NFIB: variants seen among roughly 807,000 people sequenced by gnomAD.
NFIB encodes nuclear factor I B, also known as nuclear factor 1 B-type.
A neutral mutation model predicts 61.5 loss-of-function variants in NFIB; 11 were observed. The observed-to-expected ratio is 0.18, with a 90% CI of 0.11 to 0.30. The LOEUF is 0.30. NFIB is among the 10% of genes least tolerant of loss of function. The pLI is 1.00. For synonymous variants in NFIB, 260 were observed against 216.5 expected, an observed-to-expected ratio of 1.20 and a Z score of -1.76; for missense variants, 471 against 608.9, an observed-to-expected ratio of 0.77 and a Z score of 2.38.
the NFIB span, among the ~76,000 whole-genome samples, chr9:14,427,937 G>GT: frequency 3.9e-3 from 170 of 43,392 alleles, 43 homozygotes; most frequent in African/African-American, 8.5e-3. Context: ...TAATTCAGTT[G>GT]TTTTTTTTTT....
the NFIB span, among the ~76,000 whole-genome samples, chr9:14,468,461 C>T: frequency 1.3e-5 from 2 of 152,254 alleles, no homozygotes; most frequent in South Asian, 4.2e-4. Flanking sequence ...GAGATGCATT[C>T]TTTGTTAGCT....
the NFIB span, among the ~76,000 whole-genome samples, chr9:14,480,650 C>T: frequency 6.6e-6 from 1 of 152,096 alleles, no homozygotes; most frequent in Non-Finnish European, 1.5e-5. Flanking sequence ...ATCAATGTAG[C>T]CGTTGAAACA....
chr9:14,529,986 T>C, the NFIB span, among the ~76,000 whole-genome samples: 1 of 152,222 alleles, frequency 6.6e-6, no homozygotes. Flanking sequence ...AGAAGTAGAA[T>C]GGTGAAATTT....
In NFIB at chr9:14,257,565, G is replaced by T. The variant is rs151054845; in HGVS notation, c.562+49424C>A. On this transcript the variant is annotated intron_variant, in intron 2 of 10. Coordinates refer to ENST00000380953, the MANE Select transcript of NFIB (RefSeq NM_001190737.2). The stretch of plus-strand genomic sequence containing the variant: ...GAGTCGGGAGTTTGAGACCAGCCTG[G>T]CCAACGTGGCGAAACCCTGTCTCTT... Among the ~76,000 whole-genome samples, 81 of 152,236 alleles carry T rather than the reference G, an allele frequency of 5.3e-4. 1 individual carries two copies. The East Asian group carries it at 0.015, about 28-fold the overall frequency.
At chr9:14,400,730 G>T (rs776235739), upstream of NFIB, among the ~76,000 whole-genome samples, 1 of 152,220 alleles carries the variant, frequency 6.6e-6, no homozygotes, top group Non-Finnish European at 1.5e-5. Context: ...TTGGGAAAGC[G>T]ATAGGCTCTT....
Position 14,307,380 on chromosome 9 carries a change from G to C in NFIB, c.171C>G (p.Val57=), listed in dbSNP as rs745470110. ...KRMSKDEERA[V]KDELLSEKPE... is the part of the protein sequence containing the mutation. ...GCTTTTCACTGAGAAGCTCATCTTT[G>C]ACTGCTCTTTCTTCATCCTTTGACA... Residue 57 remains valine, a synonymous_variant, in exon 2 of 11, where the codon GTC becomes GTG. Coordinates refer to ENST00000380953, the MANE Select transcript of NFIB (RefSeq NM_001190737.2). This position sits in a 1 kb window ranked among gnomAD's most constrained non-coding sequence, Gnocchi z 5.3. 10 of 1,613,948 alleles carry C rather than the reference G, an allele frequency of 6.2e-6. No individual in the cohort carries two copies. In the South Asian group the frequency reaches 9.9e-5, roughly 16 times the overall value.
the NFIB span, among the ~76,000 whole-genome samples, chr9:14,527,884 T>C: frequency 1.3e-5 from 2 of 152,312 alleles, no homozygotes; most frequent in Admixed American, 6.5e-5. Flanking sequence ...GATTTTCAGA[T>C]ATATCTTTGC....
chr9:14,414,092 A>G, the NFIB span, among the ~76,000 whole-genome samples: 2 of 152,188 alleles, frequency 1.3e-5, no homozygotes, highest in African/African-American at 4.8e-5. Flanking sequence ...TCGGAAGTCT[A>G]GTGAGGCACA....
intron 1 of NFIB, among the ~76,000 whole-genome samples, chr9:14,381,545 G>A (rs1211406112): frequency 6.6e-6 from 1 of 152,164 alleles, no homozygotes; most frequent in Non-Finnish European, 1.5e-5. Context: ...TCATTACTTT[G>A]GACCAATGTC....
chr9:14,398,702 G>GC (rs777827602), exon 1 of NFIB: 123 of 1,120,632 alleles, frequency 1.1e-4, no homozygotes, highest in Non-Finnish European at 1.4e-4. Flanking sequence ...TAGAATGTTT[G>GC]CTCCAGGTCA....
At chr9:14,174,049 C>T (rs1042176489) in intron 3 of NFIB, among the ~76,000 whole-genome samples, 5 of 152,244 alleles carry the variant, frequency 3.3e-5, no homozygotes, top group African/African-American at 1.2e-4. Context: ...AGAAACACTT[C>T]CCTCATCCTC....
intron 1 of NFIB, chr9:14,321,953 T>C (rs2060671410): frequency 8.1e-7 from 1 of 1,231,448 alleles, no homozygotes; most frequent in Non-Finnish European, 1.0e-6. Flanking sequence ...TCGCACTGTA[T>C]TGCATTAAAT....
At chr9:14,216,913 C>A (rs1205188358) in intron 2 of NFIB, among the ~76,000 whole-genome samples, 1 of 152,218 alleles carries the variant, frequency 6.6e-6, no homozygotes. Flanking sequence ...TGGTGCTTTA[C>A]ACTGAAAACT....
chr9:14,211,124 C>T (rs765741854), intron 2 of NFIB, among the ~76,000 whole-genome samples: 2 of 152,136 alleles, frequency 1.3e-5, no homozygotes, highest in African/African-American at 2.4e-5. Flanking sequence ...CCTGGAAAAA[C>T]TTGCGGTAAA....
At chr9:14,528,286 T>C in the NFIB span, among the ~76,000 whole-genome samples, 14 of 152,314 alleles carry the variant, frequency 9.2e-5, 1 homozygote, top group Non-Finnish European at 1.8e-4. Context: ...AACACTTTTA[T>C]TAACATTGTC....
intron 6 of NFIB, among the ~76,000 whole-genome samples, chr9:14,143,008 A>C (rs567374825): frequency 9.2e-4 from 140 of 152,242 alleles, no homozygotes; most frequent in African/African-American, 3.2e-3. Flanking sequence ...TACATAATAT[A>C]GATGCTGACA....
intron 1 of NFIB, among the ~76,000 whole-genome samples, chr9:14,333,961 G>A (rs960488359): frequency 1.3e-5 from 2 of 152,114 alleles, no homozygotes; most frequent in Admixed American, 6.5e-5. Context: ...ATAAGAAAAA[G>A]CATACAATAT....
intron 1 of NFIB, among the ~76,000 whole-genome samples, chr9:14,320,754 T>G (rs2060640389): frequency 6.6e-6 from 1 of 152,228 alleles, no homozygotes; most frequent in South Asian, 2.1e-4. Context: ...CGTGTGTTAC[T>G]TTCTGGACTT....
rs993877163 is a variant in NFIB at position 14,084,156 on chromosome 9, A to G, written c.*4153T>C. On this transcript the variant is annotated 3_prime_UTR_variant, in exon 11 of 11. Coordinates refer to ENST00000380953, the MANE Select transcript of NFIB (RefSeq NM_001190737.2). Reference sequence around the variant, plus strand: ...CATGGACAGATTTTCTTTTTAATACATAACTTAAGAGACTGGAGAGTTTTA... The same window carrying G: ...CATGGACAGATTTTCTTTTTAATACGTAACTTAAGAGACTGGAGAGTTTTA... The G allele has an allele frequency of 9.9e-6, 2 of 201,914 alleles. No homozygotes were observed. The highest frequency in any genetic ancestry group is 2.3e-5 in the African/African-American group (1 of 43,552). 12.5% of individuals were successfully genotyped at this position (201,914 alleles called of 1,614,324 possible). A position where few individuals can be genotyped will look rare whatever the true frequency, so the allele number is the denominator to read the frequency against.
Sources: gnomAD v4.1 joint callset for allele counts (sites outside exome capture counted in the v4.1 genomes callset) on GRCh38, gnomAD v4.1.1 for gene constraint, Gnocchi (gnomAD v3.1) non-coding constraint, MANE v1.5 for transcripts, NCBI Gene and HGNC (gene_info 2026-07-23, HGNC 2026-07-21) for gene names.